The following CACNA2D3 variants were observed in gnomAD, a reference collection of about 807,000 sequenced individuals.
CACNA2D3 encodes the protein voltage-dependent calcium channel subunit alpha-2/delta-3.
Under a neutral mutation model 160.6 loss-of-function variants are expected in CACNA2D3, and 60 were observed. The observed-to-expected ratio is 0.37, with a 90% CI of 0.30 to 0.46. The LOEUF is 0.46. CACNA2D3 is among the 20% of genes least tolerant of loss of function. The pLI, the probability that CACNA2D3 is intolerant of heterozygous loss-of-function variation, is 1.00. For missense variants in CACNA2D3, 1,205 were observed against 1,365.0 expected, an observed-to-expected ratio of 0.88 and a Z score of 1.85; for synonymous variants, 558 against 492.9, an observed-to-expected ratio of 1.13 and a Z score of -1.75.
chr3:54,430,609 C>A (rs1377308006), intron 4 of CACNA2D3, among the ~76,000 whole-genome samples: 1 of 152,140 alleles, frequency 6.6e-6, no homozygotes, highest in Non-Finnish European at 1.5e-5. Flanking sequence ...TATTCTGGAT[C>A]CTTTGGATAT....
In CACNA2D3 at chr3:54,787,333, C is replaced by T. The variant is rs558095814; in HGVS notation, c.1380+22982C>T. 3.2e-4 allele frequency among the ~76,000 whole-genome samples: 49 copies of T among 152,238 alleles called. No homozygotes were observed. The South Asian group carries it at 6.6e-3, about 21-fold the overall frequency. ...CCCCTCATATATTAATTTAGATCACCGTTAGGATTTTTTAAAAAAATCTAA... is the reference window on the plus strand; with the variant it reads ...CCCCTCATATATTAATTTAGATCACTGTTAGGATTTTTTAAAAAAATCTAA... On this transcript the variant is annotated intron_variant, in intron 13 of 37. Coordinates refer to ENST00000474759, the MANE Select transcript of CACNA2D3 (RefSeq NM_018398.3).
At chr3:54,543,230 T>C (rs1415868947) in intron 5 of CACNA2D3, among the ~76,000 whole-genome samples, 4 of 152,218 alleles carry the variant, frequency 2.6e-5, no homozygotes, top group African/African-American at 9.6e-5. Flanking sequence ...GGGAAATTGA[T>C]AAATGGAACA....
intron 5 of CACNA2D3, among the ~76,000 whole-genome samples, chr3:54,507,536 A>G (rs75113033): frequency 0.022 from 3,383 of 152,236 alleles, 139 homozygotes; most frequent in African/African-American, 0.078. Context: ...TGTGGAAGAC[A>G]CTGACACCTG....
At chr3:54,339,508 G>T (rs1704468984) in intron 3 of CACNA2D3, among the ~76,000 whole-genome samples, 1 of 151,998 alleles carries the variant, frequency 6.6e-6, no homozygotes. Flanking sequence ...ACCTTTTAAG[G>T]CATCTGGCTC....
At chr3:54,182,310 T>G (rs762651788) in intron 2 of CACNA2D3, among the ~76,000 whole-genome samples, 27 of 152,220 alleles carry the variant, frequency 1.8e-4, no homozygotes, top group Non-Finnish European at 3.7e-4. Context: ...AAATCCAATT[T>G]TAGCTTTTTG....
intron 30 of CACNA2D3, 97 bp downstream of exon 30, chr3:54,984,767 C>A (rs1702580046): frequency 8.0e-6 from 6 of 749,486 alleles, no homozygotes; most frequent in Non-Finnish European, 1.4e-5. Flanking sequence ...AGACAATGAT[C>A]TTTATTTAGG....
chr3:54,924,853 G>A, intron 27 of CACNA2D3: 1 of 1,613,966 alleles, frequency 6.2e-7, no homozygotes, highest in African/African-American at 1.3e-5. Flanking sequence ...AGCTCCCTCA[G>A]CTGAGGGAGG....
At chr3:55,045,617 T>G (rs1487620106) in intron 35 of CACNA2D3, among the ~76,000 whole-genome samples, 1 of 152,212 alleles carries the variant, frequency 6.6e-6, no homozygotes, top group African/African-American at 2.4e-5. Context: ...GAGTGAGCTT[T>G]GGTAGTTTGT....
At chr3:54,165,656 T>TC (rs1700440789) in intron 2 of CACNA2D3, among the ~76,000 whole-genome samples, 1 of 149,780 alleles carries the variant, frequency 6.7e-6, no homozygotes. Context: ...ACACCTGTAG[T>TC]CCCAGCTACT....
intron 14 of CACNA2D3, among the ~76,000 whole-genome samples, chr3:54,823,644 C>T (rs1250157870): frequency 2.6e-5 from 4 of 152,034 alleles, no homozygotes; most frequent in African/African-American, 7.2e-5. Flanking sequence ...AAGCCATAAA[C>T]AAAACCATAG....
At chr3:54,295,522 C>T (rs1288758912) in intron 2 of CACNA2D3, among the ~76,000 whole-genome samples, 1 of 152,286 alleles carries the variant, frequency 6.6e-6, no homozygotes, top group East Asian at 1.9e-4. Context: ...TTGGTTCAGT[C>T]TGGAAAGACG....
chr3:54,791,508 ACT>A (rs1389458662), intron 13 of CACNA2D3, among the ~76,000 whole-genome samples: 1 of 152,152 alleles, frequency 6.6e-6, no homozygotes, highest in African/African-American at 2.4e-5. Context: ...ATTATTTATG[ACT>A]CTAGCTTTTA....
intron 8 of CACNA2D3, 32 bp from the exon 9 acceptor site, chr3:54,581,771 A>G: frequency 6.4e-7 from 1 of 1,559,862 alleles, no homozygotes; most frequent in Non-Finnish European, 8.8e-7. Flanking sequence ...TTCCTTAATT[A>G]AGTGTTCCTT....
chr3:54,776,388 G>T (rs564982857), intron 13 of CACNA2D3, among the ~76,000 whole-genome samples: 2 of 152,192 alleles, frequency 1.3e-5, no homozygotes, highest in African/African-American at 4.8e-5. Flanking sequence ...AGTGGAATGT[G>T]CCTGTGGTCC....
chr3:54,268,357 C>T (rs927022495), intron 2 of CACNA2D3, among the ~76,000 whole-genome samples: 2 of 152,154 alleles, frequency 1.3e-5, no homozygotes, highest in African/African-American at 4.8e-5. Flanking sequence ...TGGACCCAAT[C>T]TCATTGTGCC....
intron 4 of CACNA2D3, among the ~76,000 whole-genome samples, chr3:54,443,036 G>A (rs1304407306): frequency 6.6e-6 from 1 of 152,148 alleles, no homozygotes; most frequent in Non-Finnish European, 1.5e-5. Context: ...CTAGAAGAGG[G>A]GGCTAAATGG....
At chr3:54,281,642 T>G (rs7632823) in intron 2 of CACNA2D3, among the ~76,000 whole-genome samples, 49,346 of 152,116 alleles carry the variant, frequency 0.32, 8,387 homozygotes, top group East Asian at 0.4. Context: ...GGTGCGGTTA[T>G]GTTTTATTGA....
At chr3:54,240,458 CAGAA>C (rs1701955010) in intron 2 of CACNA2D3, among the ~76,000 whole-genome samples, 1 of 152,106 alleles carries the variant, frequency 6.6e-6, no homozygotes, top group Non-Finnish European at 1.5e-5. Context: ...ATCAGAAAGA[CAGAA>C]GTTGCAGGAT....
intron 4 of CACNA2D3, among the ~76,000 whole-genome samples, chr3:54,488,581 GC>G (rs1033095737): frequency 1.1e-4 from 17 of 152,100 alleles, no homozygotes; most frequent in African/African-American, 4.1e-4. Context: ...ACTATTGGCT[GC>G]CCTTAGCCCC....
Sources: gnomAD v4.1 joint callset for allele counts (sites outside exome capture counted in the v4.1 genomes callset) on GRCh38, gnomAD v4.1.1 for gene constraint, MANE v1.5 for transcripts, NCBI Gene and HGNC (gene_info 2026-07-23, HGNC 2026-07-21) for gene names.